CDH13: variants seen among roughly 807,000 people sequenced by gnomAD.
CDH13 encodes the protein cadherin-13.
In CDH13, 24 loss-of-function variants were observed where a neutral mutation model predicts 63.8. The observed-to-expected ratio is 0.38, with a 90% CI of 0.27 to 0.53. The LOEUF is 0.53. Among genes scored for constraint, CDH13 ranks in the 20% least tolerant of loss-of-function variants. CDH13 has a pLI of 0.85. For missense variants in CDH13, 1,049 were observed against 903.1 expected (o/e 1.16, Z -2.07); for synonymous variants, 503 against 355.3 (o/e 1.42, Z -4.67).
intron 1 of CDH13, among the ~76,000 whole-genome samples, chr16:82,720,203 A>G (rs1219733228): frequency 6.6e-6 from 1 of 152,216 alleles, no homozygotes; most frequent in East Asian, 1.9e-4. Context: ...ATCAAGGAAT[A>G]AAGGTTTGCA....
At chr16:82,833,080 A>G (rs529606649) in intron 1 of CDH13, among the ~76,000 whole-genome samples, 8 of 152,344 alleles carry the variant, frequency 5.3e-5, no homozygotes, top group East Asian at 1.9e-4. Context: ...GTGTTATGGT[A>G]ACATTCCCAG....
intron 6 of CDH13, among the ~76,000 whole-genome samples, chr16:83,374,669 CTG>C (rs2091429936): frequency 6.6e-6 from 1 of 152,206 alleles, no homozygotes; most frequent in Admixed American, 6.5e-5. Context: ...GTACCTTGCG[CTG>C]TGTGTTCCTC....
chr16:82,736,447 G>T (rs906472779), intron 1 of CDH13, among the ~76,000 whole-genome samples: 2 of 152,124 alleles, frequency 1.3e-5, no homozygotes, highest in Non-Finnish European at 2.9e-5. Context: ...CTTCCCAGAT[G>T]CATTGATGAA....
chr16:82,785,770 A>C (rs2035972546), intron 1 of CDH13, among the ~76,000 whole-genome samples: 1 of 152,224 alleles, frequency 6.6e-6, no homozygotes, highest in African/African-American at 2.4e-5. Context: ...TTATTGTTAT[A>C]TATAAAGTCG....
rs553588700 is a variant in CDH13, at chr16:83,427,225, C to T, written c.782-59252C>T. Reference sequence around the variant, plus strand: ...CACCGCGCCCGGCCTAAATATGTTTCTTACATGGTCAAAGAAACCTTCTAG... The same window carrying T: ...CACCGCGCCCGGCCTAAATATGTTTTTTACATGGTCAAAGAAACCTTCTAG... On this transcript the variant is annotated intron_variant, in intron 6 of 13. Coordinates refer to ENST00000567109, the MANE Select transcript of CDH13 (RefSeq NM_001257.5). Among the ~76,000 whole-genome samples, 22 of 152,114 alleles carry T rather than the reference C, an allele frequency of 1.4e-4. No homozygotes were observed. The South Asian group carries it at 4.4e-3, about 30-fold the overall frequency.
At chr16:83,733,789 G>C (rs391967) in intron 10 of CDH13, among the ~76,000 whole-genome samples, 119,365 of 152,112 alleles carry the variant, frequency 0.78, 47,265 homozygotes, top group African/African-American at 0.83. Flanking sequence ...CCCAGTGAGC[G>C]TGTTTCTTTG....
rs550166250 is a variant in CDH13 at position 82,779,260 on chromosome 16, G to C, written c.46-79102G>C. 2.6e-5 allele frequency among the ~76,000 whole-genome samples: 4 copies of C among 152,264 alleles called. No homozygotes were observed. In the South Asian group the frequency reaches 6.2e-4, roughly 24 times the overall value. On this transcript the variant is annotated intron_variant, in intron 1 of 13. Coordinates refer to ENST00000567109, the MANE Select transcript of CDH13 (RefSeq NM_001257.5). Reference sequence around the variant, plus strand: ...GAAAACCGAGGTGTAGGGAAGTTGAGGGACATGTCCAAGATCACACAGATA... The same window carrying C: ...GAAAACCGAGGTGTAGGGAAGTTGACGGACATGTCCAAGATCACACAGATA...
intron 6 of CDH13, among the ~76,000 whole-genome samples, chr16:83,353,301 C>T (rs1365154781): frequency 1.3e-5 from 2 of 152,266 alleles, no homozygotes; most frequent in Non-Finnish European, 2.9e-5. Flanking sequence ...CACACCGGCT[C>T]AGAACCAAGA....
chr16:83,114,542 TAAC>T (rs1284562199), intron 3 of CDH13, among the ~76,000 whole-genome samples: 1 of 152,208 alleles, frequency 6.6e-6, no homozygotes, highest in Non-Finnish European at 1.5e-5. Flanking sequence ...TATGAAGAAC[TAAC>T]AACAGATAAT....
chr16:82,800,154 C>T (rs1012529381), intron 1 of CDH13, among the ~76,000 whole-genome samples: 1 of 152,086 alleles, frequency 6.6e-6, no homozygotes, highest in Non-Finnish European at 1.5e-5. Context: ...TTAAAGGTTA[C>T]TTTTCCTTTA....
At chr16:83,232,097 G>A (rs75005113) in intron 5 of CDH13, among the ~76,000 whole-genome samples, 1,951 of 151,936 alleles carry the variant, frequency 0.013, 43 homozygotes, top group African/African-American at 0.044. Flanking sequence ...ATAACTAATG[G>A]GTGCTAGGCT....
chr16:83,330,400 G>A (rs1024956752), intron 5 of CDH13, among the ~76,000 whole-genome samples: 6 of 152,168 alleles, frequency 3.9e-5, no homozygotes, highest in African/African-American at 1.4e-4. Context: ...AATAAAAAAT[G>A]ATCTCAAAAC....
chr16:83,555,626 A>G (rs1209624917), intron 7 of CDH13, among the ~76,000 whole-genome samples: 1 of 152,218 alleles, frequency 6.6e-6, no homozygotes, highest in Non-Finnish European at 1.5e-5. Context: ...ATAAGTGGAG[A>G]AAACCAATTG....
At chr16:83,747,102 G>T (rs1912652165) in intron 10 of CDH13, among the ~76,000 whole-genome samples, 1 of 152,184 alleles carries the variant, frequency 6.6e-6, no homozygotes, top group African/African-American at 2.4e-5. Context: ...CAAATATTTA[G>T]TGTCGCATAT....
intron 2 of CDH13, among the ~76,000 whole-genome samples, chr16:82,949,631 A>G (rs953571403): frequency 6.6e-6 from 1 of 152,150 alleles, no homozygotes; most frequent in Non-Finnish European, 1.5e-5. Context: ...TTTGCCTTTA[A>G]GAGCTTCTTT....
chr16:83,601,113 A>G (rs1293272799), intron 7 of CDH13, among the ~76,000 whole-genome samples: 1 of 152,104 alleles, frequency 6.6e-6, no homozygotes, highest in Non-Finnish European at 1.5e-5. Context: ...TCTAATTAGG[A>G]CTCATTCCAA....
At chr16:83,700,991 C>G (rs1395627506) in intron 10 of CDH13, among the ~76,000 whole-genome samples, 1 of 152,180 alleles carries the variant, frequency 6.6e-6, no homozygotes, top group African/African-American at 2.4e-5. Context: ...AAACAACATT[C>G]TTCCCCACCA....
rs575676617 is a variant in CDH13 at position 83,460,151 on chromosome 16, C to T, written c.782-26326C>T. Among the ~76,000 whole-genome samples the T allele has an allele frequency of 4.6e-5, 7 of 152,306 alleles. No individual in the cohort carries two copies. The South Asian group carries it at 6.2e-4, about 14-fold the overall frequency. On this transcript the variant is annotated intron_variant, in intron 6 of 13. Transcript: ENST00000567109. The stretch of plus-strand genomic sequence containing the variant: ...TGACTAATGTATAAAAAACTGTTCA[C>T]ACTCATTGGCCATTGCTAAAATTCC...
At position 83,032,212 on chromosome 16, in the gene CDH13, C is replaced by G. The variant is rs372200232; in HGVS notation, c.360C>G (p.Ser120=). 6.2e-7 allele frequency: 1 copy of G among 1,612,772 alleles called. No individual in the cohort carries two copies. Among genetic ancestry groups the G allele is most frequent in the Non-Finnish European group, 8.5e-7 (1 of 1,179,026 alleles). ...TCGGGGGGAAAGACATCCAGGGCTC[C>G]TTGCAGGTAACACATCTGTTTGAGA... is the stretch of plus-strand genomic sequence containing the variant. ...VIVGGKDIQG[S]LQDIFKFART... is the part of the protein sequence containing the mutation. Residue 120 remains serine, a synonymous_variant, in exon 3 of 14, where the codon TCC becomes TCG. Transcript: ENST00000567109.
Sources: gnomAD v4.1 joint callset for allele counts (sites outside exome capture counted in the v4.1 genomes callset) on GRCh38, gnomAD v4.1.1 for gene constraint, MANE v1.5 for transcripts, NCBI Gene and HGNC (gene_info 2026-07-23, HGNC 2026-07-21) for gene names.